HSF5: variants seen among roughly 807,000 people sequenced by gnomAD.
HSF5 encodes heat shock factor protein 5.
HSF5 carries 5 observed loss-of-function variants against 50.8 expected under a neutral mutation model. That is an observed-to-expected ratio of 0.10 (90% CI 0.05 to 0.21). The LOEUF (loss-of-function observed/expected upper bound fraction) is 0.21, where lower values mean the gene tolerates loss of function less well. HSF5 is among the 10% of genes least tolerant of loss of function. HSF5 has a pLI of 1.00. For missense variants in HSF5, 564 were observed against 762.6 expected (o/e 0.74, Z 3.07); for synonymous variants, 307 against 307.4 (o/e 1.00, Z 0.02).
At chr17:58,453,411 C>T (rs564661137) in intron 5 of HSF5, among the ~76,000 whole-genome samples, 29 of 151,532 alleles carry the variant, frequency 1.9e-4, no homozygotes, top group African/African-American at 6.3e-4. Flanking sequence ...CTGACCAACA[C>T]GGCGAAATCC....
At chr17:58,444,228 C>G (rs907531629) in intron 5 of HSF5, among the ~76,000 whole-genome samples, 2 of 152,036 alleles carry the variant, frequency 1.3e-5, no homozygotes, top group African/African-American at 2.4e-5. Flanking sequence ...AAAATTCATA[C>G]TAAAATTCGT....
chr17:58,477,128 T>C (rs1288622200), intron 2 of HSF5, among the ~76,000 whole-genome samples: 1 of 148,826 alleles, frequency 6.7e-6, no homozygotes, highest in East Asian at 1.9e-4. Context: ...TTTTTTTTTT[T>C]TTTTTTTTTG....
At chr17:58,422,769 C>T (rs1339360792) in intron 5 of HSF5, among the ~76,000 whole-genome samples, 2 of 150,178 alleles carry the variant, frequency 1.3e-5, no homozygotes, top group African/African-American at 2.5e-5. Flanking sequence ...AATCTCGGCT[C>T]GCTGCAACCT....
At chr17:58,428,674 A>T (rs1303773281) in intron 5 of HSF5, among the ~76,000 whole-genome samples, 1 of 152,076 alleles carries the variant, frequency 6.6e-6, no homozygotes, top group Non-Finnish European at 1.5e-5. Flanking sequence ...AAAATAAAAA[A>T]CCACAACGAA....
intron 1 of HSF5, among the ~76,000 whole-genome samples, chr17:58,483,440 A>T (rs1351771754): frequency 6.6e-6 from 1 of 152,248 alleles, no homozygotes; most frequent in Non-Finnish European, 1.5e-5. Flanking sequence ...ATTCAGATCA[A>T]CATTACAGAG....
intron 5 of HSF5, among the ~76,000 whole-genome samples, chr17:58,452,842 A>G (rs528958433): frequency 1.5e-4 from 23 of 149,930 alleles, no homozygotes; most frequent in Non-Finnish European, 1.6e-4. Context: ...AGTGAAGTTT[A>G]CTTTTAAATT....
chr17:58,447,501 T>A (rs554282049), intron 5 of HSF5, among the ~76,000 whole-genome samples: 5 of 152,022 alleles, frequency 3.3e-5, no homozygotes, highest in Admixed American at 3.3e-4. Flanking sequence ...ATGTCACCCC[T>A]CCCCAAACTC....
intron 3 of HSF5, among the ~76,000 whole-genome samples, chr17:58,465,632 A>T (rs1974855447): frequency 6.6e-6 from 1 of 152,162 alleles, no homozygotes; most frequent in Non-Finnish European, 1.5e-5. Context: ...TCCAAAAAAA[A>T]AAAAAAGGGA....
intron 1 of HSF5, among the ~76,000 whole-genome samples, chr17:58,480,931 G>A (rs1164023703): frequency 1.3e-5 from 2 of 152,012 alleles, no homozygotes; most frequent in Non-Finnish European, 2.9e-5. Context: ...GGAACTATAG[G>A]TGCACATCAC....
At chr17:58,442,897 C>G (rs1974516621) in intron 5 of HSF5, among the ~76,000 whole-genome samples, 1 of 150,846 alleles carries the variant, frequency 6.6e-6, no homozygotes, top group Non-Finnish European at 1.5e-5. Context: ...AGCACCACAC[C>G]CAGCTAATTT....
chr17:58,455,159 C>A (rs1353545791), intron 5 of HSF5, among the ~76,000 whole-genome samples: 1 of 151,964 alleles, frequency 6.6e-6, no homozygotes, highest in Non-Finnish European at 1.5e-5. Flanking sequence ...GAATAGAGAA[C>A]CCAAAAATAA....
rs1375599792 is a variant in HSF5, at chr17:58,487,969, C to A, written c.306G>T (p.Pro102=). ...AGTGATGGAGCGGCCCATTGCCTGC[C>A]GGTTTGCCGCCCCCCGGCCCGCCCA... ...VVLGGPGGGK[P]AGNGPLHHFH... is the part of the protein sequence containing the mutation. The change falls in exon 1 of 6, where the codon CCG becomes CCT. Residue 102 remains proline, a synonymous_variant. Coordinates refer to ENST00000323777, the MANE Select transcript of HSF5 (RefSeq NM_001080439.3). 1 of 1,611,252 alleles carries A rather than the reference C, an allele frequency of 6.2e-7. No homozygotes were observed. The highest frequency in any genetic ancestry group is 8.5e-7 in the Non-Finnish European group (1 of 1,179,314).
At chr17:58,444,910 G>A (rs758349526) in intron 5 of HSF5, among the ~76,000 whole-genome samples, 58 of 151,984 alleles carry the variant, frequency 3.8e-4, no homozygotes, top group Non-Finnish European at 6.0e-4. Flanking sequence ...CAAACCAATT[G>A]AAAAATGGGC....
intron 5 of HSF5, among the ~76,000 whole-genome samples, chr17:58,457,469 C>T (rs1312288072): frequency 6.6e-6 from 1 of 150,724 alleles, no homozygotes; most frequent in Non-Finnish European, 1.5e-5. Context: ...TGTGGTGCCA[C>T]GCACCTGTAG....
intron 2 of HSF5, among the ~76,000 whole-genome samples, chr17:58,474,432 A>T (rs1442861132): frequency 1.3e-5 from 2 of 152,188 alleles, no homozygotes; most frequent in African/African-American, 4.8e-5. Flanking sequence ...AGACAAAACA[A>T]AAATTCAGTT....
intron 1 of HSF5, among the ~76,000 whole-genome samples, chr17:58,486,752 C>T (rs1421723330): frequency 6.6e-6 from 1 of 152,108 alleles, no homozygotes; most frequent in East Asian, 1.9e-4. Flanking sequence ...TAACCAGAAC[C>T]TTAAATCTGA....
rs1293072372 is a variant in HSF5 at position 58,420,200 on chromosome 17, T to C, written c.*2160A>G. 2.6e-5 allele frequency: 4 copies of C among 152,240 alleles called. No homozygotes were observed. 9.4% of individuals were successfully genotyped at this position (152,240 alleles called of 1,614,324 possible). On this transcript the variant is annotated 3_prime_UTR_variant, in exon 6 of 6. Transcript: ENST00000323777. The stretch of plus-strand genomic sequence containing the variant: ...GAACACTCACTTTATTGTTGACTGA[T>C]TGAAATTTATCAGTGCTTAAGGTGC...
At chr17:58,486,902 C>CTTTTT (rs11351236) in intron 1 of HSF5, among the ~76,000 whole-genome samples, 4 of 79,920 alleles carry the variant, frequency 5.0e-5, no homozygotes, top group African/African-American at 4.7e-5. Context: ...TAAGTTCTCT[C>CTTTTT]TTTTTTTTTT....
intron 2 of HSF5, among the ~76,000 whole-genome samples, chr17:58,467,871 A>T (rs1466466265): frequency 6.6e-6 from 1 of 152,240 alleles, no homozygotes; most frequent in Admixed American, 6.5e-5. Context: ...TTTTTTGTAG[A>T]GACTCTCCAG....
Sources: allele counts gnomAD v4.1 joint callset (sites outside exome capture counted in the v4.1 genomes callset), GRCh38; gene constraint gnomAD v4.1.1; transcripts MANE v1.5; gene names NCBI Gene and HGNC (gene_info 2026-07-23, HGNC 2026-07-21).